Variants in XPO4 observed in about 807,000 individuals in gnomAD.
The protein encoded by XPO4 is exportin 4, also known as exportin-4.
A neutral mutation model predicts 143.0 loss-of-function variants in XPO4; 39 were observed. The observed-to-expected ratio is 0.27, with a 90% CI of 0.21 to 0.36. The LOEUF is 0.36. Ranked by LOEUF, XPO4 falls within the 10% of genes least tolerant of loss-of-function variation. XPO4 has a pLI of 1.00. For synonymous variants in XPO4, 439 were observed against 474.0 expected (o/e 0.93, Z 0.96); for missense variants, 907 against 1,348.0 (o/e 0.67, Z 5.12).
At position 20,800,996 on chromosome 13, in the gene XPO4, G is replaced by A; in HGVS notation, c.1818-6C>T. On this transcript the variant is annotated splice_region_variant and splice_polypyrimidine_tract_variant and intron_variant, in intron 13 of 22. Coordinates refer to ENST00000255305, the MANE Select transcript of XPO4 (RefSeq NM_022459.5). ...TGAGAATGGCAGACAACAGCCTGTA[G>A]GTATAAAACAGAAGTCATTTATTCT... The A allele has an allele frequency of 6.2e-7, 1 of 1,610,708 alleles. No homozygotes were observed. Among genetic ancestry groups the A allele is most frequent in the Non-Finnish European group, 8.5e-7 (1 of 1,179,334 alleles).
Position 20,822,242 on chromosome 13 carries a change from C to T in XPO4, c.888G>A (p.Leu296=), listed in dbSNP as rs1162240222. The part of the protein sequence containing the change: ...REDSDMAQDS[L]QCLAQLASLH... ...GAGAAGCTAACTGGGCAAGGCACTG[C>T]AGAGAATCTTGTGCCATATCTGAAT... is the stretch of plus-strand genomic sequence containing the variant. Residue 296 remains leucine, a synonymous_variant, in exon 8 of 23, where the codon CTG becomes CTA. Transcript: ENST00000255305. 3.1e-6 allele frequency: 5 copies of T among 1,613,730 alleles called. No homozygotes were observed. Among genetic ancestry groups the T allele is most frequent in the Non-Finnish European group, 4.2e-6 (5 of 1,179,862 alleles).
chr13:20,790,855 G>T lies in XPO4; in HGVS notation c.2798-275C>A, dbSNP rs9509375. The stretch of plus-strand genomic sequence containing the variant: ...TACTTGATACAGAAGTATTGGGGAG[G>T]TTAAGAGCAGGGGACAGTCTAGAAA... On this transcript the variant is annotated intron_variant, in intron 18 of 22. Transcript: ENST00000255305. Among the ~76,000 whole-genome samples, 1,333 of 152,224 alleles carry T rather than the reference G, an allele frequency of 8.8e-3. 7 individuals are homozygous for T. Among genetic ancestry groups the T allele is most frequent in the Middle Eastern group, 0.017 (5 of 294 alleles).
chr13:20,846,990 C>T (rs1345748690), intron 4 of XPO4, among the ~76,000 whole-genome samples: 2 of 152,084 alleles, frequency 1.3e-5, no homozygotes, highest in African/African-American at 4.8e-5. Context: ...ACTGTACCTA[C>T]GATTATCAGC....
chr13:20,888,807 CTT>C (rs887901371), intron 1 of XPO4, among the ~76,000 whole-genome samples: 11 of 144,610 alleles, frequency 7.6e-5, no homozygotes, highest in African/African-American at 1.8e-4. Context: ...CAAAAAGACA[CTT>C]TTTTTTTTTT....
intron 6 of XPO4, among the ~76,000 whole-genome samples, chr13:20,832,394 A>C (rs1197607929): frequency 6.6e-6 from 1 of 152,180 alleles, no homozygotes; most frequent in Non-Finnish European, 1.5e-5. Context: ...TGTGAATGAC[A>C]CTCAAAAAAA....
intron 4 of XPO4, chr13:20,849,538 A>G: frequency 1.0e-6 from 1 of 985,322 alleles, no homozygotes; most frequent in Middle Eastern, 5.2e-4. Context: ...CTCCCAAATT[A>G]GTACTGACAG....
intron 19 of XPO4, 28 bp from the exon 20 acceptor site, chr13:20,788,644 A>G (rs377334199): frequency 6.4e-7 from 1 of 1,568,644 alleles, no homozygotes; most frequent in Non-Finnish European, 8.6e-7. Flanking sequence ...AATTATTTGG[A>G]TGCTCATTAG....
rs181273242 is a variant in XPO4, at chr13:20,857,154, T to A, written c.318-1389A>T. 1.6e-3 allele frequency among the ~76,000 whole-genome samples: 243 copies of A among 152,328 alleles called. No individual in the cohort carries two copies. The Middle Eastern group carries it at 0.024, about 15-fold the overall frequency. The stretch of plus-strand genomic sequence containing the variant: ...TCCTACTATGCATAAGAATATTAGT[T>A]GGCCAAAGGGAATTTCTGTACTTTT... On this transcript the variant is annotated intron_variant, in intron 3 of 22. Transcript: ENST00000255305.
intron 5 of XPO4, 110 bp from the exon 6 acceptor site, chr13:20,843,158 C>G (rs997102609): frequency 1.2e-5 from 13 of 1,102,742 alleles, no homozygotes; most frequent in Non-Finnish European, 1.3e-6. Flanking sequence ...TGGAAAACAC[C>G]ATTTCCTTAA....
At chr13:20,862,964 G>A in intron 2 of XPO4, 106 bp from the exon 3 acceptor site, 1 of 1,529,356 alleles carries the variant, frequency 6.5e-7, no homozygotes, top group Non-Finnish European at 8.7e-7. Flanking sequence ...GAATAAGATG[G>A]TTACCTGTTC....
chr13:20,843,577 C>T (rs2059999719), intron 5 of XPO4, among the ~76,000 whole-genome samples, 193 bp downstream of exon 5: 1 of 151,636 alleles, frequency 6.6e-6, no homozygotes, highest in Non-Finnish European at 1.5e-5. Flanking sequence ...TAGAATTAAA[C>T]AAGTAATTTT....
chr13:20,848,756 C>A, intron 4 of XPO4: 2 of 985,246 alleles, frequency 2.0e-6, no homozygotes, highest in Non-Finnish European at 2.4e-6. Context: ...GTTAACATAA[C>A]AGAAGTTGGA....
At chr13:20,788,057 G>GTTT (rs5802086) in intron 20 of XPO4, among the ~76,000 whole-genome samples, 5 of 137,058 alleles carry the variant, frequency 3.6e-5, no homozygotes, top group African/African-American at 1.1e-4. Flanking sequence ...TTGTTTTTTT[G>GTTT]TTTTTTTTTT....
intron 18 of XPO4, among the ~76,000 whole-genome samples, chr13:20,791,716 T>C (rs1283112360): frequency 1.3e-5 from 2 of 152,166 alleles, no homozygotes; most frequent in Non-Finnish European, 2.9e-5. Flanking sequence ...TAAAATGCAA[T>C]GTATAGTTGA....
At chr13:20,791,447 G>GA (rs1244519043) in intron 18 of XPO4, among the ~76,000 whole-genome samples, 1 of 152,058 alleles carries the variant, frequency 6.6e-6, no homozygotes, top group Admixed American at 6.6e-5. Flanking sequence ...TTTATAAGAG[G>GA]AAAAAGGTAA....
At position 20,809,096 on chromosome 13, in the gene XPO4, G is replaced by A. The variant is rs748494206; in HGVS notation, c.1480C>T (p.Pro494Ser). Residue 494 changes from proline (P) to serine (S), a missense_variant, in exon 11 of 23, where the codon CCT becomes TCT. Pro to Ser is a moderately conservative substitution (Grantham distance 74). Coordinates refer to ENST00000255305, the MANE Select transcript of XPO4 (RefSeq NM_022459.5). ...GACTGTGTGTACCTTGTCAGAAGAGGTATACAGTGTTCTGCAGCAATTCTT... is the reference window on the plus strand; with the variant it reads ...GACTGTGTGTACCTTGTCAGAAGAGATATACAGTGTTCTGCAGCAATTCTT... ...LGRIAAEHCI[P>S]LLTSLLEERV... 3.1e-6 allele frequency: 5 copies of A among 1,613,718 alleles called. No homozygotes were observed. The African/African-American group carries it at 6.7e-5, about 22-fold the overall frequency.
At chr13:20,832,753 C>T (rs763416583) in intron 6 of XPO4, among the ~76,000 whole-genome samples, 13 of 152,162 alleles carry the variant, frequency 8.5e-5, no homozygotes, top group Non-Finnish European at 1.0e-4. Context: ...GTCCAAGCAA[C>T]CACAAATCCT....
At chr13:20,826,975 A>G (rs1364036163) in intron 7 of XPO4, 92 bp downstream of exon 7, 2 of 833,806 alleles carry the variant, frequency 2.4e-6, no homozygotes, top group African/African-American at 1.7e-5. Context: ...TTAGGGGAGA[A>G]AAGCAATCTG....
In XPO4 at chr13:20,874,750, T is replaced by C. The variant is rs578260604; in HGVS notation, c.70-6049A>G. Among the ~76,000 whole-genome samples, 6 of 152,244 alleles carry C rather than the reference T, an allele frequency of 3.9e-5. No individual in the cohort carries two copies. The East Asian group carries it at 1.2e-3, about 29-fold the overall frequency. On this transcript the variant is annotated intron_variant, in intron 1 of 22. Transcript: ENST00000255305. Reference sequence around the variant, plus strand: ...GGCTCACGCCTGTAATCCTAGCACTTTGGGAGGCCGAGGCGGGTGATCACC... The same window carrying C: ...GGCTCACGCCTGTAATCCTAGCACTCTGGGAGGCCGAGGCGGGTGATCACC...
Sources: gnomAD v4.1 joint callset for allele counts (sites outside exome capture counted in the v4.1 genomes callset) on GRCh38, gnomAD v4.1.1 for gene constraint, MANE v1.5 for transcripts, NCBI Gene and HGNC (gene_info 2026-07-23, HGNC 2026-07-21) for gene names.